ID1: variants seen among roughly 807,000 people sequenced by gnomAD.
ID1 encodes the protein inhibitor of DNA binding 1, also known as DNA-binding protein inhibitor ID-1.
ID1 carries 8 observed loss-of-function variants against 11.3 expected under a neutral mutation model. The observed-to-expected ratio is 0.71, with a 90% confidence interval of 0.42 to 1.28. ID1 has a LOEUF of 1.28. Ranked by LOEUF, ID1 falls within the 50% of genes most tolerant of loss-of-function variation. The probability of loss-of-function intolerance (pLI) is 0.01; values close to 1 mark genes in which losing one functional copy is unlikely to be tolerated. For synonymous variants in ID1, 176 were observed against 100.2 expected (o/e 1.76, Z -4.52); for missense variants, 347 against 219.8 (o/e 1.58, Z -3.66).
In ID1 at chr20:31,606,242, TG is replaced by T. The variant is rs1311445061; in HGVS notation, c.*152del. 8.6e-6 allele frequency: 7 copies of T among 814,972 alleles called. No individual in the cohort carries two copies. In the Admixed American group the frequency reaches 1.5e-4, roughly 18 times the overall value. 50.5% of individuals were successfully genotyped at this position (814,972 alleles called of 1,614,324 possible). A position where few individuals can be genotyped will look rare whatever the true frequency, so the allele number is the denominator to read the frequency against. On this transcript the variant is annotated 3_prime_UTR_variant, in exon 2 of 2. Transcript: ENST00000376112. ...ACTGCGCCCTTAACTGCATCCAGCC[TG>T]GGGCTGAGGCTGAGGCACTGGCGAG...
At chr20:31,605,924 T>C (rs2122268617) in intron 1 of ID1, 111 bp downstream of exon 1, 5 of 1,584,890 alleles carry the variant, frequency 3.2e-6, no homozygotes, top group East Asian at 2.3e-5. Flanking sequence ...GGTACCTGGC[T>C]ATGCGGGGGT....
chr20:31,606,360 C>A lies in ID1; in HGVS notation c.*266C>A. 2 of 549,146 alleles carry A rather than the reference C, an allele frequency of 3.6e-6. No homozygotes were observed. The highest frequency in any genetic ancestry group is 6.6e-6 in the Non-Finnish European group (2 of 302,012). 34.0% of individuals were successfully genotyped at this position (549,146 alleles called of 1,614,324 possible). On this transcript the variant is annotated 3_prime_UTR_variant, in exon 2 of 2. Coordinates refer to ENST00000376112, the MANE Select transcript of ID1 (RefSeq NM_002165.4). ...GTGTTTCTATTTTTTGAAAAGCAGACATTTTAAAAAATGGTCACGTTTGGT... is the reference window on the plus strand; with the variant it reads ...GTGTTTCTATTTTTTGAAAAGCAGAAATTTTAAAAAATGGTCACGTTTGGT...
At position 31,606,328 on chromosome 20, in the gene ID1, C is replaced by CGAAT; in HGVS notation, c.*234_*235insGAAT. On this transcript the variant is annotated 3_prime_UTR_variant, in exon 2 of 2. Transcript: ENST00000376112. ...CCAGAGACTTTAGGGGGTGGGATTC[C>CGAAT]ACTCGTGTGTTTCTATTTTTTGAAA... 1.8e-6 allele frequency: 1 copy of CGAAT among 569,792 alleles called. No homozygotes were observed. The highest frequency in any genetic ancestry group is 3.2e-6 in the Non-Finnish European group (1 of 313,650). The allele number at this position is 569,792 out of a possible 1,614,324, so 35.3% of individuals were successfully genotyped here.
At position 31,606,071 on chromosome 20, in the gene ID1, G is replaced by A. The variant is rs753341526; in HGVS notation, c.445G>A (p.Asp149Asn). 4.1e-5 allele frequency: 66 copies of A among 1,609,766 alleles called. No individual in the cohort carries two copies. Among genetic ancestry groups the A allele is most frequent in the South Asian group, 3.6e-4 (33 of 91,086 alleles). Residue 149 changes from aspartate to asparagine, a missense_variant, in exon 2 of 2, where the codon GAC becomes AAC. Asp to Asn is a conservative substitution (Grantham distance 23). Transcript: ENST00000376112. ...LTAEAACVPA[D>N]DRILCR ...TTCACAGGCGGCATGCGTTCCTGCG[G>A]ACGATCGCATCTTGTGTCGCTGAAG...
At position 31,605,453 on chromosome 20, in the gene ID1, C is replaced by G. The variant is rs1274924969; in HGVS notation, c.66C>G (p.Gly22=). The G allele has an allele frequency of 3.7e-6, 6 of 1,609,152 alleles. No individual in the cohort carries two copies. In the South Asian group the frequency reaches 4.4e-5, roughly 12 times the overall value. ...AAGPSCALKA[G]KTASGAGEVV... Reference sequence around the variant, plus strand: ...GCCCCAGCTGCGCGCTGAAGGCCGGCAAGACAGCGAGCGGTGCGGGCGAGG... The same window carrying G: ...GCCCCAGCTGCGCGCTGAAGGCCGGGAAGACAGCGAGCGGTGCGGGCGAGG... Residue 22 remains glycine (G), a synonymous_variant, in exon 1 of 2, where the codon GGC becomes GGG. Transcript: ENST00000376112.
chr20:31,605,486 C>G lies in ID1; in HGVS notation c.99C>G (p.Arg33=). Residue 33 remains arginine (R), a synonymous_variant, in exon 1 of 2, where the codon CGC becomes CGG. Coordinates refer to ENST00000376112, the MANE Select transcript of ID1 (RefSeq NM_002165.4). ...KTASGAGEVV[R]CLSEQSVAIS... is the part of the protein sequence containing the mutation. ...CGAGCGGTGCGGGCGAGGTGGTGCG[C>G]TGTCTGTCTGAGCAGAGCGTGGCCA... The G allele has an allele frequency of 6.2e-7, 1 of 1,605,650 alleles. No individual in the cohort carries two copies. Among genetic ancestry groups the G allele is most frequent in the Non-Finnish European group, 8.5e-7 (1 of 1,175,808 alleles).
intron 1 of ID1, 52 bp downstream of exon 1, chr20:31,605,865 A>G: frequency 6.3e-7 from 1 of 1,593,886 alleles, no homozygotes; most frequent in Non-Finnish European, 8.6e-7. Flanking sequence ...GGGGAAACGG[A>G]GGCCAGAGAG....
In ID1 at chr20:31,606,296, C is replaced by G; in HGVS notation, c.*202C>G. On this transcript the variant is annotated 3_prime_UTR_variant, in exon 2 of 2. Transcript: ENST00000376112. ...GAGGGCGCTCCTCTCTGCACACCTACTAGTCACCAGAGACTTTAGGGGGTG... is the reference window on the plus strand; with the variant it reads ...GAGGGCGCTCCTCTCTGCACACCTAGTAGTCACCAGAGACTTTAGGGGGTG... The G allele has an allele frequency of 3.3e-6, 2 of 606,088 alleles. No individual in the cohort carries two copies. 37.5% of individuals were successfully genotyped at this position (606,088 alleles called of 1,614,324 possible). A position where few individuals can be genotyped will look rare whatever the true frequency, so the allele number is the denominator to read the frequency against.
Position 31,605,672 on chromosome 20 carries a change from C to T in ID1, c.285C>T (p.Leu95=). The T allele has an allele frequency of 1.2e-6, 2 of 1,610,002 alleles. No homozygotes were observed. The highest frequency in any genetic ancestry group is 1.7e-6 in the Non-Finnish European group (2 of 1,178,120). The change falls in exon 1 of 2, where the codon CTC becomes CTT. Residue 95 remains leucine (L), a synonymous_variant. Transcript: ENST00000376112. ...GCAAGGTGAGCAAGGTGGAGATTCT[C>T]CAGCACGTCATCGACTACATCAGGG... ...QNRKVSKVEI[L]QHVIDYIRDL...
Position 31,605,346 on chromosome 20 carries a change from T to A in ID1, c.-42T>A, listed in dbSNP as rs1986045259. The stretch of plus-strand genomic sequence containing the variant: ...TCTGCTTCGGGCTTCCACCTCATTT[T>A]TTTCGCTTTGCCCATTCTGTTTCAG... On this transcript the variant is annotated 5_prime_UTR_variant, in exon 1 of 2. Transcript: ENST00000376112. 15 of 1,555,242 alleles carry A rather than the reference T, an allele frequency of 9.6e-6. No homozygotes were observed. The highest frequency in any genetic ancestry group is 1.3e-5 in the Non-Finnish European group (15 of 1,155,254).
In ID1 at chr20:31,605,737, C is replaced by G. The variant is rs756315343; in HGVS notation, c.350C>G (p.Thr117Ser). 9.3e-6 allele frequency: 15 copies of G among 1,610,172 alleles called. No individual in the cohort carries two copies. In the South Asian group the frequency reaches 1.7e-4, roughly 18 times the overall value. The change falls in exon 1 of 2, where the codon ACC becomes AGC. Residue 117 changes from threonine (T) to serine (S), a missense_variant. Physicochemically the swap from Thr to Ser is moderately conservative, Grantham distance 58. Transcript: ENST00000376112. ...CTGAACTCGGAATCCGAAGTTGGAA[C>G]CCCCGGGGGCCGAGGGCTGCCGGTC... Reference protein sequence around the residue: ...LELNSESEVGTPGGRGLPVRA... With the variant: ...LELNSESEVGSPGGRGLPVRA...
At chr20:31,605,964 C>G (rs138737768) in intron 1 of ID1, 89 bp from the exon 2 acceptor site, 2 of 1,606,068 alleles carry the variant, frequency 1.2e-6, no homozygotes, top group Admixed American at 1.7e-5. Flanking sequence ...AGCGCTCCCC[C>G]GTCGTGCTTC....
At chr20:31,606,025 C>G (rs763241562) in intron 1 of ID1, 28 bp from the exon 2 acceptor site, 39 of 1,612,886 alleles carry the variant, frequency 2.4e-5, no homozygotes, top group African/African-American at 4.0e-5. Context: ...TTCCAACCCG[C>G]CGGTCTCATT....
Position 31,605,646 on chromosome 20 carries a change from CGCAAGGTGA to C in ID1, c.268_276del (p.Ser90_Val92del). The C allele has an allele frequency of 3.7e-6, 6 of 1,604,156 alleles. No homozygotes were observed. The highest frequency in any genetic ancestry group is 4.3e-6 in the Non-Finnish European group (5 of 1,175,472). On this transcript the variant is annotated inframe_deletion, in exon 1 of 2. Coordinates refer to ENST00000376112, the MANE Select transcript of ID1 (RefSeq NM_002165.4). ...GCTGGTGCCCACCCTGCCCCAGAAC[CGCAAGGTGA>C]GCAAGGTGGAGATTCTCCAGCACGT...
At position 31,605,567 on chromosome 20, in the gene ID1, G is replaced by C; in HGVS notation, c.180G>C (p.Gln60His). 6.4e-7 allele frequency: 1 copy of C among 1,559,066 alleles called. No individual in the cohort carries two copies. Residue 60 changes from glutamine to histidine, a missense_variant, in exon 1 of 2, where the codon CAG becomes CAC. Gln to His is a conservative substitution (Grantham distance 24, BLOSUM62 0). Transcript: ENST00000376112. The part of the protein sequence containing the change: ...GARLPALLDE[Q>H]QVNVLLYDMN... ...GCCTGCCTGCCCTGCTGGACGAGCAGCAGGTAAACGTGCTGCTCTACGACA... is the reference window on the plus strand; with the variant it reads ...GCCTGCCTGCCCTGCTGGACGAGCACCAGGTAAACGTGCTGCTCTACGACA...
In ID1 at chr20:31,606,158, G is replaced by C; in HGVS notation, c.*64G>C. 1 of 1,529,084 alleles carries C rather than the reference G, an allele frequency of 6.5e-7. No individual in the cohort carries two copies. Among genetic ancestry groups the C allele is most frequent in the South Asian group, 1.1e-5 (1 of 88,728 alleles). 94.7% of individuals were successfully genotyped at this position (1,529,084 alleles called of 1,614,324 possible). On this transcript the variant is annotated 3_prime_UTR_variant, in exon 2 of 2. Coordinates refer to ENST00000376112, the MANE Select transcript of ID1 (RefSeq NM_002165.4). ...GGGGGCAAGAGGAATTACGTGCTCT[G>C]TGGGTCTCCCCCAACGCGCCTCGCC...
rs775244075 is a variant in ID1 at position 31,605,692 on chromosome 20, T to A, written c.305T>A (p.Ile102Asn). 6.2e-7 allele frequency: 1 copy of A among 1,611,580 alleles called. No individual in the cohort carries two copies. The highest frequency in any genetic ancestry group is 8.5e-7 in the Non-Finnish European group (1 of 1,178,886). ...ATTCTCCAGCACGTCATCGACTACA[T>A]CAGGGACCTTCAGTTGGAGCTGAAC... is the stretch of plus-strand genomic sequence containing the variant. ...VEILQHVIDYIRDLQLELNSE... is the reference protein window; with the variant it reads ...VEILQHVIDYNRDLQLELNSE... The change falls in exon 1 of 2, where the codon ATC (isoleucine) becomes AAC (asparagine). Residue 102 changes from isoleucine (I) to asparagine (N), a missense_variant. Ile to Asn is a moderately radical substitution (Grantham distance 149). Coordinates refer to ENST00000376112, the MANE Select transcript of ID1 (RefSeq NM_002165.4).
rs1424821974 is a variant in ID1 at position 31,605,344 on chromosome 20, T to A, written c.-44T>A. On this transcript the variant is annotated 5_prime_UTR_variant, in exon 1 of 2. Coordinates refer to ENST00000376112, the MANE Select transcript of ID1 (RefSeq NM_002165.4). ...TATCTGCTTCGGGCTTCCACCTCATTTTTTTCGCTTTGCCCATTCTGTTTC... is the reference window on the plus strand; with the variant it reads ...TATCTGCTTCGGGCTTCCACCTCATATTTTTCGCTTTGCCCATTCTGTTTC... 1.3e-6 allele frequency: 2 copies of A among 1,550,940 alleles called. No homozygotes were observed. Among genetic ancestry groups the A allele is most frequent in the Non-Finnish European group, 1.7e-6 (2 of 1,153,762 alleles).
chr20:31,605,437 G>A lies in ID1; in HGVS notation c.50G>A (p.Cys17Tyr), dbSNP rs754466435. 3.1e-6 allele frequency: 5 copies of A among 1,608,524 alleles called. No homozygotes were observed. Among genetic ancestry groups the A allele is most frequent in the Non-Finnish European group, 4.2e-6 (5 of 1,178,516 alleles). The change falls in exon 1 of 2, where the codon TGC becomes TAC. Residue 17 changes from cysteine to tyrosine, a missense_variant. Coordinates refer to ENST00000376112, the MANE Select transcript of ID1 (RefSeq NM_002165.4). ...STATAAAGPS[C>Y]ALKAGKTASG... ...GCCACCGCCGCCGCGGGCCCCAGCT[G>A]CGCGCTGAAGGCCGGCAAGACAGCG...
Sources: gnomAD v4.1 joint callset for allele counts on GRCh38, gnomAD v4.1.1 for gene constraint, MANE v1.5 for transcripts, NCBI Gene and HGNC (gene_info 2026-07-23, HGNC 2026-07-21) for gene names.